Variants in SYT3 observed in about 807,000 individuals in gnomAD.
The protein encoded by SYT3 is synaptotagmin 3.
In SYT3, 25 loss-of-function variants were observed where a neutral mutation model predicts 50.6. That is an observed-to-expected ratio of 0.49 (90% confidence interval 0.36 to 0.69). The LOEUF (loss-of-function observed/expected upper bound fraction) is 0.69. Ranked by LOEUF, SYT3 falls within the 30% of genes least tolerant of loss-of-function variation. The pLI, the probability that SYT3 is intolerant of heterozygous loss-of-function variation, is 0.00. For missense variants in SYT3, 589 were observed against 793.6 expected, an observed-to-expected ratio of 0.74 and a Z score of 3.10; for synonymous variants, 323 against 353.9, an observed-to-expected ratio of 0.91 and a Z score of 0.98.
In SYT3 at chr19:50,629,462, C is replaced by T. The variant is rs1051544929; in HGVS notation, c.1113G>A (p.Ser371=). 1.8e-5 allele frequency: 29 copies of T among 1,613,936 alleles called. No individual in the cohort carries two copies. The highest frequency in any genetic ancestry group is 1.6e-4 in the East Asian group (7 of 44,874). ...NPVFNETFQF[S]VPLAELAQRK... is the part of the protein sequence containing the mutation. The stretch of plus-strand genomic sequence containing the variant: ...GTTGGGCCAGCTCGGCCAGGGGCAC[C>T]GAGAATTGAAACGTCTCATTGAAGA... Residue 371 remains serine, a synonymous_variant, in exon 6 of 11, where the codon TCG becomes TCA. Coordinates refer to ENST00000600079, the MANE Select transcript of SYT3 (RefSeq NM_001160329.2).
At chr19:50,630,568 A>C (rs1236325347) in intron 4 of SYT3, among the ~76,000 whole-genome samples, 4 of 152,128 alleles carry the variant, frequency 2.6e-5, no homozygotes, top group Non-Finnish European at 5.9e-5. Flanking sequence ...GATTACAGGC[A>C]TGCACCACCA....
intron 3 of SYT3, among the ~76,000 whole-genome samples, chr19:50,633,477 G>C (rs1315909630): frequency 1.3e-5 from 2 of 152,188 alleles, no homozygotes; most frequent in African/African-American, 4.8e-5. Flanking sequence ...GTAGCACCAA[G>C]GTCCTCCAAA....
rs1465141646 is a variant in SYT3, at chr19:50,630,088, A to G, written c.758T>C (p.Leu253Pro). 2 of 1,605,084 alleles carry G rather than the reference A, an allele frequency of 1.2e-6. No individual in the cohort carries two copies. Among genetic ancestry groups the G allele is most frequent in the Admixed American group, 1.7e-5 (1 of 59,554 alleles). ...CTCGCCTCCAGGCAGGGGTAAGGGC[A>G]GGGCAGGTGGCCGCTCCTCACTGCT... ...DPSSEERPPA[L>P]PLPLPGGEEK... The change falls in exon 5 of 11, where the codon CTG becomes CCG. Residue 253 changes from leucine to proline, a missense_variant. Coordinates refer to ENST00000600079, the MANE Select transcript of SYT3 (RefSeq NM_001160329.2).
chr19:50,633,531 G>A (rs922348218), intron 3 of SYT3, among the ~76,000 whole-genome samples: 12 of 152,190 alleles, frequency 7.9e-5, no homozygotes, highest in Non-Finnish European at 1.5e-4. Context: ...GCACGACACA[G>A]TTAGGCAGGG....
chr19:50,650,304 C>T, the SYT3 span, among the ~76,000 whole-genome samples: 1 of 152,250 alleles, frequency 6.6e-6, no homozygotes. Context: ...TAGCACAGCT[C>T]ATGCAGTTAC....
chr19:50,632,353 G>C lies in SYT3; in HGVS notation c.607C>G (p.Pro203Ala). Residue 203 changes from proline (P) to alanine (A), a missense_variant, in exon 4 of 11, where the codon CCC becomes GCC. By Grantham distance (27) the Pro-to-Ala change is conservative. Coordinates refer to ENST00000600079, the MANE Select transcript of SYT3 (RefSeq NM_001160329.2). The surrounding 1 kb of genome is among the most constrained non-coding windows in gnomAD (Gnocchi z 4.7). ...GAGSGLLLLP[P>A]SGGGLPSAQS... ...GCACTGGGCAAGCCCCCACCACTGG[G>C]GGGCAGCAGGAGCAACCCAGAGCCT... is the stretch of plus-strand genomic sequence containing the variant. 1.9e-6 allele frequency: 3 copies of C among 1,608,982 alleles called. No individual in the cohort carries two copies. In the East Asian group the frequency reaches 6.7e-5, roughly 36 times the overall value.
Position 50,625,763 on chromosome 19 carries a change from CT to C in SYT3, c.1402+133del. ...CAGGAGTCCAGGCCCCTGGCCCCTCCTCCCTCAGACCCAGGAGTCCAGATCC... is the reference window on the plus strand; with the variant it reads ...CAGGAGTCCAGGCCCCTGGCCCCTCCCCCTCAGACCCAGGAGTCCAGATCC... On this transcript the variant is annotated intron_variant, in intron 7 of 10. Coordinates refer to ENST00000600079, the MANE Select transcript of SYT3 (RefSeq NM_001160329.2). This position sits in a 1 kb window ranked among gnomAD's most constrained non-coding sequence, Gnocchi z 7.5. The C allele has an allele frequency of 1.9e-4, 156 of 818,192 alleles. 2 individuals are homozygous for C. Among genetic ancestry groups the C allele is most frequent in the South Asian group, 3.7e-4 (22 of 59,768 alleles). The allele number at this position is 818,192 out of a possible 1,614,324, so 50.7% of individuals were successfully genotyped here.
chr19:50,622,618 C>G (rs1470321435), intron 10 of SYT3, 69 bp downstream of exon 10: 1 of 1,098,622 alleles, frequency 9.1e-7, no homozygotes, highest in African/African-American at 1.5e-5. Context: ...AGTCCAGGCC[C>G]CCAGCCCCTC....
the SYT3 span, chr19:50,657,980 C>T: frequency 6.6e-7 from 1 of 1,519,848 alleles, no homozygotes; most frequent in Non-Finnish European, 8.8e-7. Context: ...CTCTCTCCGA[C>T]ACCCGCAGCC....
chr19:50,657,732 G>C, the SYT3 span, among the ~76,000 whole-genome samples: 1 of 152,158 alleles, frequency 6.6e-6, no homozygotes, highest in Non-Finnish European at 1.5e-5. Context: ...ATTGACTTTG[G>C]GGCAAATTGG....
At position 50,637,177 on chromosome 19, in the gene SYT3, A is replaced by G. The variant is rs976954769; in HGVS notation, c.148+87T>C. 2.1e-5 allele frequency: 32 copies of G among 1,512,374 alleles called. No individual in the cohort carries two copies. The highest frequency in any genetic ancestry group is 1.8e-4 in the South Asian group (15 of 83,682). 93.7% of individuals were successfully genotyped at this position (1,512,374 alleles called of 1,614,324 possible). On this transcript the variant is annotated intron_variant, in intron 3 of 10. Transcript: ENST00000600079. This position sits in a 1 kb window ranked among gnomAD's most constrained non-coding sequence, Gnocchi z 4.9. Reference sequence around the variant, plus strand: ...AGACGCTACGAGGGACTGACCCCACAAGCAATGGAAAGCTGAGCAGTTCTG... The same window carrying G: ...AGACGCTACGAGGGACTGACCCCACGAGCAATGGAAAGCTGAGCAGTTCTG...
rs753480602 is a variant in SYT3, at chr19:50,632,740, C to T, written c.220G>A (p.Val74Met). ...GGCACCCAGCACAACTTCCAGGACA[C>T]GAAGAGAGAGACACCCAGAAGGACA... ...GIVLLGVSLF[V>M]SWKLCWVPWR... The change falls in exon 4 of 11, where the codon GTG (valine) becomes ATG (methionine). Residue 74 changes from valine to methionine, a missense_variant. This residue lies in a region of SYT3 where 316 missense variants were observed against 354.3 expected (regional missense o/e 0.89). Transcript: ENST00000600079. This position sits in a 1 kb window ranked among gnomAD's most constrained non-coding sequence, Gnocchi z 4.7. 7.0e-6 allele frequency: 11 copies of T among 1,561,420 alleles called. No individual in the cohort carries two copies. The highest frequency in any genetic ancestry group is 3.8e-5 in the Admixed American group (2 of 52,388).
At position 50,629,311 on chromosome 19, in the gene SYT3, T is replaced by C; in HGVS notation, c.1264A>G (p.Ile422Val). 1 of 1,606,408 alleles carries C rather than the reference T, an allele frequency of 6.2e-7. No individual in the cohort carries two copies. Among genetic ancestry groups the C allele is most frequent in the South Asian group, 1.1e-5 (1 of 90,540 alleles). ...QPPDRPLWRD[I>V]VEGGSEKADL... ...CCACTGACCGAGCCGCCCTCCACGA[T>C]GTCCCTCCAGAGCGGGCGGTCAGGG... Residue 422 changes from isoleucine (I) to valine (V), a missense_variant, in exon 6 of 11, where the codon ATC becomes GTC. Physicochemically the swap from Ile to Val is conservative, Grantham distance 29. Coordinates refer to ENST00000600079, the MANE Select transcript of SYT3 (RefSeq NM_001160329.2).
chr19:50,646,869 C>T, the SYT3 span, among the ~76,000 whole-genome samples: 15 of 151,860 alleles, frequency 9.9e-5, no homozygotes, highest in African/African-American at 3.1e-4. Context: ...CTTGCTTTGT[C>T]GCCCAGGCTG....
Position 50,625,369 on chromosome 19 carries a change from C to A in SYT3, c.1574+24G>T. ...CCCCACCCCAGCCCTCCTGCCTGAC[C>A]CCCGCCCGGGCCGCGCCCCTCACCA... is the stretch of plus-strand genomic sequence containing the variant. On this transcript the variant is annotated intron_variant, in intron 8 of 10. Coordinates refer to ENST00000600079, the MANE Select transcript of SYT3 (RefSeq NM_001160329.2). The surrounding 1 kb of genome is among the most constrained non-coding windows in gnomAD (Gnocchi z 7.5). 1 of 1,538,714 alleles carries A rather than the reference C, an allele frequency of 6.5e-7. No homozygotes were observed. Among genetic ancestry groups the A allele is most frequent in the South Asian group, 1.2e-5 (1 of 83,038 alleles).
At chr19:50,628,822 G>C (rs1984169049) in intron 6 of SYT3, among the ~76,000 whole-genome samples, 1 of 134,468 alleles carries the variant, frequency 7.4e-6, no homozygotes, top group Non-Finnish European at 1.6e-5. Context: ...ATCATTATCT[G>C]TTCTTTTTTT....
chr19:50,640,326 C>G (rs1480300993), upstream of SYT3, among the ~76,000 whole-genome samples: 6 of 152,310 alleles, frequency 3.9e-5, no homozygotes, highest in East Asian at 1.2e-3. Flanking sequence ...GCCCCGTTTC[C>G]TCATCAGCAA....
At chr19:50,624,924 C>T (rs1042104162) in intron 9 of SYT3, 2 of 401,254 alleles carry the variant, frequency 5.0e-6, no homozygotes, top group Non-Finnish European at 8.7e-6. Flanking sequence ...CTCAGCACAT[C>T]TCACCTCTAT....
In SYT3 at chr19:50,629,922, C is replaced by A; in HGVS notation, c.924G>T (p.Arg308=). Residue 308 remains arginine (R), a synonymous_variant, in exon 5 of 11, where the codon CGG becomes CGT. Coordinates refer to ENST00000600079, the MANE Select transcript of SYT3 (RefSeq NM_001160329.2). ...CCAGCTGGTCCGAGCCATAGAGGTA[C>A]CGCAGGGCGAAGCTGATACGGCCAC... ...APCGRISFAL[R]YLYGSDQLVV... 1.2e-6 allele frequency: 2 copies of A among 1,614,078 alleles called. No individual in the cohort carries two copies. Among genetic ancestry groups the A allele is most frequent in the Non-Finnish European group, 1.7e-6 (2 of 1,179,994 alleles).
Sources: gnomAD v4.1 joint callset for allele counts (sites outside exome capture counted in the v4.1 genomes callset) on GRCh38, gnomAD v4.1.1 for gene constraint, gnomAD v4.1.1 regional missense constraint, Gnocchi (gnomAD v3.1) non-coding constraint, MANE v1.5 for transcripts, NCBI Gene and HGNC (gene_info 2026-07-23, HGNC 2026-07-21) for gene names.